CCDC50: variants seen among roughly 807,000 people sequenced by gnomAD.
CCDC50 encodes coiled-coil domain containing 50.
In CCDC50, 54 loss-of-function variants were observed where a neutral mutation model predicts 70.2. The observed-to-expected ratio is 0.77, with a 90% CI of 0.62 to 0.96. CCDC50 has a LOEUF of 0.96. CCDC50 is among the 50% of genes least tolerant of loss of function. CCDC50 has a pLI of 0.00. For synonymous variants in CCDC50, 216 were observed against 198.8 expected (o/e 1.09, Z -0.73); for missense variants, 558 against 578.7 (o/e 0.96, Z 0.37).
At chr3:191,373,626 C>T (rs979842347) in intron 5 of CCDC50, among the ~76,000 whole-genome samples, 8 of 152,094 alleles carry the variant, frequency 5.3e-5, no homozygotes, top group South Asian at 2.1e-4. Context: ...CATGTTGTCA[C>T]GATAGTCTTA....
intron 1 of CCDC50, among the ~76,000 whole-genome samples, chr3:191,349,622 A>G (rs1712037727): frequency 7.0e-6 from 1 of 142,026 alleles, no homozygotes; most frequent in Non-Finnish European, 1.6e-5. Flanking sequence ...TTAATGAAGT[A>G]CAGTGTACAT....
chr3:191,391,500 C>G (rs1713692103), intron 11 of CCDC50, among the ~76,000 whole-genome samples: 1 of 152,190 alleles, frequency 6.6e-6, no homozygotes, highest in Non-Finnish European at 1.5e-5. Flanking sequence ...CGAAGTAGCT[C>G]ATATTTTTCT....
rs1324340489 is a variant in CCDC50 at position 191,351,134 on chromosome 3, GT to G, written c.50-5951del. ...AAACAGTCTTTAAAAAGAATATTTT[GT>G]TTCTGAGTGAGAAGGAGAGAAACTT... On this transcript the variant is annotated intron_variant, in intron 1 of 11. Transcript: ENST00000392455. 4.2e-5 allele frequency among the ~76,000 whole-genome samples: 6 copies of G among 141,798 alleles called. 2 individuals are homozygous for G. Among genetic ancestry groups the G allele is most frequent in the Non-Finnish European group, 7.9e-5 (5 of 62,956 alleles). The allele number at this position is 141,798 out of a possible 152,430, so 93.0% of individuals were successfully genotyped here.
chr3:191,374,920 T>C (rs1713040875), intron 5 of CCDC50, 142 bp from the exon 6 acceptor site: 10 of 833,676 alleles, frequency 1.2e-5, no homozygotes, highest in Admixed American at 2.0e-5. Flanking sequence ...TCCCCTCTTC[T>C]CAATTTAAGT....
intron 10 of CCDC50, among the ~76,000 whole-genome samples, chr3:191,388,150 A>G (rs991202833): frequency 1.2e-3 from 175 of 152,094 alleles, no homozygotes; most frequent in Non-Finnish European, 2.0e-3. Context: ...TTATATATAT[A>G]TATATAAAAC....
intron 6 of CCDC50, among the ~76,000 whole-genome samples, chr3:191,379,083 A>C (rs1713217535): frequency 1.3e-5 from 2 of 152,142 alleles, no homozygotes; most frequent in Admixed American, 6.6e-5. Flanking sequence ...GGATTTTGAC[A>C]AAAATCATTT....
chr3:191,346,477 T>C (rs1469169167), intron 1 of CCDC50, among the ~76,000 whole-genome samples: 2 of 152,196 alleles, frequency 1.3e-5, no homozygotes, highest in Non-Finnish European at 2.9e-5. Flanking sequence ...TAGGGAGGCA[T>C]AAGATCAGCC....
chr3:191,370,031 A>C lies in CCDC50; in HGVS notation c.443A>C (p.Asp148Ala). The C allele has an allele frequency of 6.3e-7, 1 of 1,590,458 alleles. No homozygotes were observed. Among genetic ancestry groups the C allele is most frequent in the African/African-American group, 1.3e-5 (1 of 74,558 alleles). Residue 148 changes from aspartate (D) to alanine (A), a missense_variant, in exon 5 of 12, where the codon GAT becomes GCT. Asp to Ala is a moderately radical substitution (Grantham distance 126). Coordinates refer to ENST00000392455, the MANE Select transcript of CCDC50 (RefSeq NM_178335.3). ...RAYADSYYYE[D>A]GDQPGSRRAR... ...TATGCAGATAGTTACTATTATGAAGATGGAGGTAACAATTCCTGCATCATG... is the reference window on the plus strand; with the variant it reads ...TATGCAGATAGTTACTATTATGAAGCTGGAGGTAACAATTCCTGCATCATG...
intron 9 of CCDC50, among the ~76,000 whole-genome samples, chr3:191,382,256 C>A (rs994846627): frequency 6.6e-6 from 1 of 152,120 alleles, no homozygotes; most frequent in Non-Finnish European, 1.5e-5. Context: ...TGATACAGTT[C>A]CTCTCTTGGA....
chr3:191,389,688 C>T, intron 11 of CCDC50, 86 bp downstream of exon 11: 1 of 995,428 alleles, frequency 1.0e-6, no homozygotes, highest in South Asian at 1.3e-5. Context: ...ATTCTGTGTT[C>T]CACTAGAGTG....
At chr3:191,384,768 C>G (rs1226464117) in intron 10 of CCDC50, among the ~76,000 whole-genome samples, 1 of 152,010 alleles carries the variant, frequency 6.6e-6, no homozygotes, top group African/African-American at 2.4e-5. Flanking sequence ...TTGATCTTGT[C>G]ACCCAGATAG....
intron 10 of CCDC50, among the ~76,000 whole-genome samples, chr3:191,383,522 A>G (rs535027345): frequency 7.9e-5 from 12 of 152,276 alleles, no homozygotes; most frequent in Admixed American, 5.2e-4. Context: ...ACTAAGTTTA[A>G]AATTTTGAAA....
chr3:191,384,369 A>G (rs553102994), intron 10 of CCDC50, among the ~76,000 whole-genome samples: 1 of 152,176 alleles, frequency 6.6e-6, no homozygotes, highest in African/African-American at 2.4e-5. Context: ...GCATATGTAG[A>G]TACCTTGCAC....
In CCDC50 at chr3:191,394,010, C is replaced by T. The variant is rs1713780329; in HGVS notation, c.*2250C>T. 1 of 152,040 alleles carries T rather than the reference C, an allele frequency of 6.6e-6. No homozygotes were observed. The highest frequency in any genetic ancestry group is 2.1e-4 in the South Asian group (1 of 4,828). The allele number at this position is 152,040 out of a possible 1,614,324, so 9.4% of individuals were successfully genotyped here. A position where few individuals can be genotyped will look rare whatever the true frequency, so the allele number is the denominator to read the frequency against. The stretch of plus-strand genomic sequence containing the variant: ...CTGCATTTCTCTTGCCTCTCATGTA[C>T]TTCATCCAGTTATTTATTATTGTAA... On this transcript the variant is annotated 3_prime_UTR_variant, in exon 12 of 12. Coordinates refer to ENST00000392455, the MANE Select transcript of CCDC50 (RefSeq NM_178335.3).
chr3:191,345,687 C>T lies in CCDC50; in HGVS notation c.50-11401C>T, dbSNP rs1015138595. Among the ~76,000 whole-genome samples the T allele has an allele frequency of 3.3e-5, 5 of 152,244 alleles. No individual in the cohort carries two copies. In the South Asian group the frequency reaches 1.0e-3, roughly 32 times the overall value. ...AGCCATAACATATCTACTTGCCAAA[C>T]AAGTGGTTTAGGTTACCGGGGTTTT... On this transcript the variant is annotated intron_variant, in intron 1 of 11. Coordinates refer to ENST00000392455, the MANE Select transcript of CCDC50 (RefSeq NM_178335.3).
rs1375487332 is a variant in CCDC50, at chr3:191,361,072, A to G, written c.243A>G (p.Glu81=). 6.2e-7 allele frequency: 1 copy of G among 1,612,734 alleles called. No individual in the cohort carries two copies. Among genetic ancestry groups the G allele is most frequent in the Admixed American group, 1.7e-5 (1 of 60,018 alleles). Residue 81 remains glutamate (E), a synonymous_variant, in exon 4 of 12, where the codon GAA becomes GAG. Coordinates refer to ENST00000392455, the MANE Select transcript of CCDC50 (RefSeq NM_178335.3). ...TGTTTTCACCTTTGCTTTTTAGTGA[A>G]CAACAAGACTGTGAAATTGCTCAGG... ...AQLQKRYKDL[E]QQDCEIAQEI...
intron 1 of CCDC50, among the ~76,000 whole-genome samples, chr3:191,332,630 G>A (rs926786917): frequency 6.6e-6 from 1 of 152,196 alleles, no homozygotes; most frequent in African/African-American, 2.4e-5. Context: ...GAACAGGCAT[G>A]TTTCAACAAT....
At position 191,397,159 on chromosome 3, in the gene CCDC50, G is replaced by A. The variant is rs1441391042; in HGVS notation, c.*5399G>A. 1 of 152,112 alleles carries A rather than the reference G, an allele frequency of 6.6e-6. No homozygotes were observed. The highest frequency in any genetic ancestry group is 2.4e-5 in the African/African-American group (1 of 41,410). 9.4% of individuals were successfully genotyped at this position (152,112 alleles called of 1,614,324 possible). ...TTTTCTTCCCAAAAGATCAAGTAAG[G>A]AGTAAGAACAAGTAAGGGAAGACAG... On this transcript the variant is annotated 3_prime_UTR_variant, in exon 12 of 12. Coordinates refer to ENST00000392455, the MANE Select transcript of CCDC50 (RefSeq NM_178335.3).
chr3:191,332,685 TA>T (rs1036994333), intron 1 of CCDC50, among the ~76,000 whole-genome samples: 4 of 152,226 alleles, frequency 2.6e-5, no homozygotes, highest in African/African-American at 9.6e-5. Flanking sequence ...CATATTTTTG[TA>T]AAAAACTTTT....
Sources: allele counts gnomAD v4.1 joint callset (sites outside exome capture counted in the v4.1 genomes callset), GRCh38; gene constraint gnomAD v4.1.1; transcripts MANE v1.5; gene names NCBI Gene and HGNC (gene_info 2026-07-23, HGNC 2026-07-21).